CDON: variants seen among roughly 807,000 people sequenced by gnomAD.
CDON encodes the protein cell adhesion molecule-related/down-regulated by oncogenes.
A neutral mutation model predicts 120.9 loss-of-function variants in CDON; 73 were observed. The observed-to-expected ratio is 0.60, with a 90% CI of 0.50 to 0.73. The LOEUF (loss-of-function observed/expected upper bound fraction) is 0.73. Among genes scored for constraint, CDON ranks in the 30% least tolerant of loss-of-function variants. The pLI is 0.00. For missense variants in CDON, 1,470 were observed against 1,587.3 expected, an observed-to-expected ratio of 0.93 and a Z score of 1.26; for synonymous variants, 566 against 573.5, an observed-to-expected ratio of 0.99 and a Z score of 0.19.
chr11:126,032,222 T>C (rs1363621967), intron 1 of CDON, among the ~76,000 whole-genome samples: 1 of 152,054 alleles, frequency 6.6e-6, no homozygotes, highest in Non-Finnish European at 1.5e-5. Context: ...TTAACCTAGA[T>C]TTGTACTTGG....
chr11:125,962,015 A>G lies in CDON; in HGVS notation c.3357-17T>C, dbSNP rs1381362065. The G allele has an allele frequency of 6.3e-7, 1 of 1,597,076 alleles. No homozygotes were observed. Among genetic ancestry groups the G allele is most frequent in the African/African-American group, 1.3e-5 (1 of 74,590 alleles). On this transcript the variant is annotated splice_polypyrimidine_tract_variant and intron_variant, in intron 18 of 19. Coordinates refer to ENST00000531738, the MANE Select transcript of CDON (RefSeq NM_001378964.1). ...GTGAAACACCTGCAGAGGTTAAACC[A>G]AAAGAAACAGAATTGTGTCTAGAGG...
In CDON at chr11:125,981,039, G is replaced by T. The variant is rs559978418; in HGVS notation, c.3276+10C>A. The T allele has an allele frequency of 2.3e-5, 37 of 1,613,450 alleles. No individual in the cohort carries two copies. The highest frequency in any genetic ancestry group is 3.0e-5 in the Non-Finnish European group (35 of 1,179,568). On this transcript the variant is annotated intron_variant, in intron 17 of 19. Coordinates refer to ENST00000531738, the MANE Select transcript of CDON (RefSeq NM_001378964.1). ...ACAGAGGGGCTTTTATTTATAGTTA[G>T]GTCTCTTACATTCACTAGATGATGA...
intron 1 of CDON, among the ~76,000 whole-genome samples, chr11:126,043,058 G>A (rs1004574445): frequency 1.3e-5 from 2 of 152,184 alleles, no homozygotes; most frequent in African/African-American, 4.8e-5. Context: ...AAGAACCAGA[G>A]GCTACTCGCT....
In CDON at chr11:126,015,307, A is replaced by G. The variant is rs766718420; in HGVS notation, c.1132T>C (p.Tyr378His). 2.5e-6 allele frequency: 4 copies of G among 1,614,086 alleles called. No homozygotes were observed. Among genetic ancestry groups the G allele is most frequent in the Non-Finnish European group, 3.4e-6 (4 of 1,179,934 alleles). Residue 378 changes from tyrosine (Y) to histidine (H), a missense_variant, in exon 7 of 20, where the codon TAT becomes CAT. Physicochemically the swap from Tyr to His is moderately conservative, Grantham distance 83 (BLOSUM62 2). Transcript: ENST00000531738. ...ATCCCATTATCTGCTACACACTGAT[A>G]CATCCCAACATCTTCCACAGTAACC... ...SGVTVEDVGM[Y>H]QCVADNGIGF...
chr11:126,053,262 G>A (rs567972110), intron 1 of CDON, among the ~76,000 whole-genome samples: 2 of 152,302 alleles, frequency 1.3e-5, no homozygotes, highest in Admixed American at 1.3e-4. Context: ...GTACAACATA[G>A]CAGTTAAGAC....
chr11:125,978,901 CTA>C (rs759942350), intron 17 of CDON, among the ~76,000 whole-genome samples: 1 of 152,162 alleles, frequency 6.6e-6, no homozygotes, highest in Non-Finnish European at 1.5e-5. Flanking sequence ...TTAAAGCATG[CTA>C]TATTTTTCCA....
chr11:126,042,310 C>CTCAT (rs1451375923), intron 1 of CDON, among the ~76,000 whole-genome samples: 1 of 152,212 alleles, frequency 6.6e-6, no homozygotes, highest in African/African-American at 2.4e-5. Context: ...GTCAACAGTA[C>CTCAT]TCATTTTTCT....
rs183315734 is a variant in CDON at position 126,056,315 on chromosome 11, G to A, written c.-62+6264C>T. Among the ~76,000 whole-genome samples, 315 of 152,206 alleles carry A rather than the reference G, an allele frequency of 2.1e-3. 2 individuals are homozygous for A. Among genetic ancestry groups the A allele is most frequent in the African/African-American group, 7.3e-3 (304 of 41,530 alleles). ...ATGAATCATGTATCACTATTTCAAC[G>A]CTCCCAACCCCCAATGAAATCCTGA... is the stretch of plus-strand genomic sequence containing the variant. On this transcript the variant is annotated intron_variant, in intron 1 of 19. Coordinates refer to ENST00000531738, the MANE Select transcript of CDON (RefSeq NM_001378964.1).
chr11:126,040,274 A>G (rs951235365), intron 1 of CDON, among the ~76,000 whole-genome samples: 1 of 152,220 alleles, frequency 6.6e-6, no homozygotes, highest in South Asian at 2.1e-4. Flanking sequence ...GAGGAACTAG[A>G]TTAACCACTA....
chr11:125,956,938 A>C lies in CDON; in HGVS notation c.*4004T>G. On this transcript the variant is annotated 3_prime_UTR_variant, in exon 20 of 20. Coordinates refer to ENST00000531738, the MANE Select transcript of CDON (RefSeq NM_001378964.1). ...TTTAAATATGGGAAATAAAATACAA[A>C]AGGGCCACACCCGATGCAAAAGACT... is the stretch of plus-strand genomic sequence containing the variant. The C allele has an allele frequency of 9.8e-6, 8 of 817,712 alleles. No individual in the cohort carries two copies. The highest frequency in any genetic ancestry group is 5.6e-5 in the South Asian group (1 of 17,980). 50.7% of individuals were successfully genotyped at this position (817,712 alleles called of 1,614,324 possible). A position where few individuals can be genotyped will look rare whatever the true frequency, so the allele number is the denominator to read the frequency against.
intron 1 of CDON, among the ~76,000 whole-genome samples, chr11:126,055,233 T>A (rs1948654174): frequency 6.6e-6 from 1 of 152,130 alleles, no homozygotes; most frequent in African/African-American, 2.4e-5. Flanking sequence ...ATGCTGAATC[T>A]CCTCTGTCCC....
intron 14 of CDON, among the ~76,000 whole-genome samples, chr11:125,990,932 T>A (rs1946615940): frequency 6.6e-6 from 1 of 152,128 alleles, no homozygotes; most frequent in African/African-American, 2.4e-5. Context: ...CCCCAAAAGA[T>A]GTTGACTCCA....
At chr11:126,058,864 A>G (rs1331765777) in intron 1 of CDON, among the ~76,000 whole-genome samples, 1 of 152,244 alleles carries the variant, frequency 6.6e-6, no homozygotes, top group African/African-American at 2.4e-5. Flanking sequence ...TTTTGCTCCA[A>G]AGATTTTACA....
In CDON at chr11:125,978,366, C is replaced by T. The variant is rs3740904; in HGVS notation, c.3294G>A (p.Thr1098=). ...HHLVNGGGMY[T]AVPQIDPLEC... is the part of the protein sequence containing the mutation. ...CCAGAGGGTCAATCTGAGGCACGGC[C>T]GTGTACATTCCACCACCCTGGACAG... Residue 1098 remains threonine, a synonymous_variant, in exon 18 of 20, where the codon ACG becomes ACA. Coordinates refer to ENST00000531738, the MANE Select transcript of CDON (RefSeq NM_001378964.1). The T allele has an allele frequency of 0.37, 588,814 of 1,598,876 alleles. 109,930 individuals are homozygous for T. The highest frequency in any genetic ancestry group is 0.44 in the Admixed American group (25,881 of 59,268).
At chr11:125,994,410 C>T (rs1169623064) in intron 13 of CDON, 21 bp from the exon 14 acceptor site, 8 of 1,291,716 alleles carry the variant, frequency 6.2e-6, no homozygotes, top group Non-Finnish European at 9.0e-6. Context: ...GAAGCAAAGA[C>T]TTGTCAAAGA....
Position 126,042,727 on chromosome 11 carries a change from T to C in CDON, c.-61-19190A>G, listed in dbSNP as rs779922178. Among the ~76,000 whole-genome samples the C allele has an allele frequency of 9.5e-4, 145 of 152,208 alleles. 3 individuals are homozygous for C. Among genetic ancestry groups the C allele is most frequent in the South Asian group, 2.1e-4 (1 of 4,830 alleles). Reference sequence around the variant, plus strand: ...ACCTCCGCCTCCCCAGTTCAAGTGATTCTCCTGCCTCAGCCTCCAAAGTAG... The same window carrying C: ...ACCTCCGCCTCCCCAGTTCAAGTGACTCTCCTGCCTCAGCCTCCAAAGTAG... On this transcript the variant is annotated intron_variant, in intron 1 of 19. Coordinates refer to ENST00000531738, the MANE Select transcript of CDON (RefSeq NM_001378964.1).
intron 3 of CDON, 127 bp from the exon 4 acceptor site, chr11:126,019,892 G>A (rs1414866013): frequency 2.3e-5 from 18 of 782,496 alleles, no homozygotes; most frequent in Middle Eastern, 3.6e-4. Flanking sequence ...CCAGTCCAGA[G>A]GGCTGCATGA....
chr11:126,020,588 G>A (rs1177130787), intron 3 of CDON, among the ~76,000 whole-genome samples: 1 of 152,108 alleles, frequency 6.6e-6, no homozygotes, highest in Non-Finnish European at 1.5e-5. Context: ...ACTACTCCTG[G>A]GGAATCCAGA....
chr11:126,004,748 T>A (rs1947063505), intron 9 of CDON, among the ~76,000 whole-genome samples: 2 of 152,226 alleles, frequency 1.3e-5, no homozygotes. Flanking sequence ...AATATCATCA[T>A]GTTATTTTTC....
Sources: allele counts gnomAD v4.1 joint callset (sites outside exome capture counted in the v4.1 genomes callset), GRCh38; gene constraint gnomAD v4.1.1; transcripts MANE v1.5; gene names NCBI Gene and HGNC (gene_info 2026-07-23, HGNC 2026-07-21).